Variants in DYNC1I1 observed in about 807,000 individuals in gnomAD.
DYNC1I1 encodes the protein dynein cytoplasmic 1 intermediate chain 1, also known as cytoplasmic dynein 1 intermediate chain 1.
In DYNC1I1, 43 loss-of-function variants were observed where a neutral mutation model predicts 86.6. The observed-to-expected ratio is 0.50, with a 90% CI of 0.39 to 0.64. The LOEUF is 0.64. DYNC1I1 is among the 30% of genes least tolerant of loss of function. The probability of loss-of-function intolerance (pLI) is 0.00; values close to 1 mark genes in which losing one functional copy is unlikely to be tolerated. For synonymous variants in DYNC1I1, 262 were observed against 283.7 expected, an observed-to-expected ratio of 0.92 and a Z score of 0.77; for missense variants, 604 against 788.8, an observed-to-expected ratio of 0.77 and a Z score of 2.81.
chr7:95,821,906 T>C (rs1253996366), intron 4 of DYNC1I1, among the ~76,000 whole-genome samples: 2 of 152,214 alleles, frequency 1.3e-5, no homozygotes, highest in Non-Finnish European at 2.9e-5. Flanking sequence ...TGTTAACTAC[T>C]GCCTTCCAAA....
rs569505713 is a variant in DYNC1I1 at position 95,887,643 on chromosome 7, A to G, written c.490+17645A>G. 8.5e-5 allele frequency among the ~76,000 whole-genome samples: 13 copies of G among 152,338 alleles called. 1 individual carries two copies. The highest frequency in any genetic ancestry group is 3.1e-4 in the African/African-American group (13 of 41,584). The stretch of plus-strand genomic sequence containing the variant: ...AGATTTCTTGATATACTAAAGGCTC[A>G]ATAAAAAATTAAATACCTGTATTTC... On this transcript the variant is annotated intron_variant, in intron 6 of 16. Transcript: ENST00000447467.
chr7:95,954,473 A>G (rs1792649992), intron 6 of DYNC1I1, among the ~76,000 whole-genome samples: 1 of 152,028 alleles, frequency 6.6e-6, no homozygotes, highest in African/African-American at 2.4e-5. Flanking sequence ...GACAGTGCTT[A>G]TAGAATCTCT....
intron 6 of DYNC1I1, among the ~76,000 whole-genome samples, chr7:95,886,104 T>C (rs1397659235): frequency 1.3e-5 from 2 of 152,194 alleles, no homozygotes; most frequent in African/African-American, 4.8e-5. Context: ...TTCACTTCTA[T>C]GCTAAACAAA....
intron 5 of DYNC1I1, among the ~76,000 whole-genome samples, chr7:95,844,817 T>C (rs986898943): frequency 6.6e-6 from 1 of 152,122 alleles, no homozygotes; most frequent in Admixed American, 6.6e-5. Flanking sequence ...CAGTAGTGAA[T>C]TGGGGAAGCT....
At chr7:95,844,809 G>A (rs954299545) in intron 5 of DYNC1I1, among the ~76,000 whole-genome samples, 1 of 152,208 alleles carries the variant, frequency 6.6e-6, no homozygotes, top group Non-Finnish European at 1.5e-5. Context: ...AGATTGTACA[G>A]TAGTGAATTG....
chr7:95,925,939 A>G (rs941438137), intron 6 of DYNC1I1, among the ~76,000 whole-genome samples: 1 of 152,196 alleles, frequency 6.6e-6, no homozygotes, highest in African/African-American at 2.4e-5. Context: ...AAGTTCCTTA[A>G]TATTTACCCT....
chr7:96,021,783 G>A (rs1246915135), intron 10 of DYNC1I1, among the ~76,000 whole-genome samples: 2 of 152,084 alleles, frequency 1.3e-5, no homozygotes, highest in Non-Finnish European at 2.9e-5. Context: ...TTTATGAGCT[G>A]TTTCAGTTAG....
intron 10 of DYNC1I1, among the ~76,000 whole-genome samples, chr7:96,002,947 G>A (rs1175281168): frequency 2.0e-5 from 3 of 152,048 alleles, no homozygotes; most frequent in East Asian, 1.9e-4. Context: ...AGGTTCAAGC[G>A]ATTCTCCTGC....
intron 4 of DYNC1I1, chr7:95,818,473 A>ATTTTT (rs10590197): frequency 1.0e-4 from 59 of 574,280 alleles, no homozygotes; most frequent in South Asian, 1.9e-4. Flanking sequence ...AGCTGATTTA[A>ATTTTT]TTTTTTTTTT....
chr7:95,867,931 A>G (rs2116155993), intron 5 of DYNC1I1, among the ~76,000 whole-genome samples: 1 of 152,370 alleles, frequency 6.6e-6, no homozygotes, highest in East Asian at 1.9e-4. Flanking sequence ...CACTTCAGGC[A>G]GGAAAACATT....
intron 6 of DYNC1I1, among the ~76,000 whole-genome samples, chr7:95,926,644 T>C (rs185122349): frequency 6.6e-6 from 1 of 152,300 alleles, no homozygotes; most frequent in East Asian, 1.9e-4. Flanking sequence ...ATTAAAATTT[T>C]CCTCATCTCT....
chr7:96,038,848 G>T (rs944210054), intron 13 of DYNC1I1, among the ~76,000 whole-genome samples: 3 of 151,990 alleles, frequency 2.0e-5, no homozygotes, highest in African/African-American at 7.2e-5. Context: ...GAGTTTTATA[G>T]TCAATAGGTT....
At chr7:95,892,600 C>T (rs954778677) in intron 6 of DYNC1I1, among the ~76,000 whole-genome samples, 3 of 152,116 alleles carry the variant, frequency 2.0e-5, no homozygotes, top group African/African-American at 4.8e-5. Context: ...TGTAAGCCAC[C>T]GTGCCTGACC....
At chr7:95,813,843 T>C (rs1198596505) in intron 4 of DYNC1I1, among the ~76,000 whole-genome samples, 1 of 152,162 alleles carries the variant, frequency 6.6e-6, no homozygotes, top group East Asian at 1.9e-4. Context: ...TTGGTAGTAG[T>C]AGTATCAGGA....
intron 6 of DYNC1I1, among the ~76,000 whole-genome samples, chr7:95,907,937 C>T (rs1248708268): frequency 6.6e-6 from 1 of 151,920 alleles, no homozygotes; most frequent in Non-Finnish European, 1.5e-5. Flanking sequence ...AGAATGAAAA[C>T]AATACTTGCA....
intron 9 of DYNC1I1, among the ~76,000 whole-genome samples, chr7:95,991,791 A>C (rs1172007257): frequency 6.6e-6 from 1 of 152,076 alleles, no homozygotes; most frequent in Non-Finnish European, 1.5e-5. Context: ...ACAAGGCTCA[A>C]GGTCTCATTT....
intron 14 of DYNC1I1, among the ~76,000 whole-genome samples, chr7:96,047,746 C>T (rs1291745686): frequency 6.6e-6 from 1 of 152,130 alleles, no homozygotes; most frequent in Non-Finnish European, 1.5e-5. Flanking sequence ...CTCTGAGAGA[C>T]CTGAGTATAT....
At chr7:96,038,203 A>G (rs1006888754) in intron 13 of DYNC1I1, among the ~76,000 whole-genome samples, 4 of 152,352 alleles carry the variant, frequency 2.6e-5, no homozygotes, top group African/African-American at 9.6e-5. Context: ...TTTGCTAAGC[A>G]CATTGACATT....
At chr7:96,107,877 T>TG (rs1451245766) in intron 16 of DYNC1I1, among the ~76,000 whole-genome samples, 3 of 150,764 alleles carry the variant, frequency 2.0e-5, no homozygotes, top group African/African-American at 4.9e-5. Flanking sequence ...AGGTTTTTTT[T>TG]TTTTTTTTTT....
Sources: gnomAD v4.1 joint callset for allele counts (sites outside exome capture counted in the v4.1 genomes callset) on GRCh38, gnomAD v4.1.1 for gene constraint, MANE v1.5 for transcripts, NCBI Gene and HGNC (gene_info 2026-07-23, HGNC 2026-07-21) for gene names.